The following NCALD variants were observed in gnomAD, a reference collection of about 807,000 sequenced individuals.
The protein encoded by NCALD is neurocalcin-delta.
NCALD carries 10 observed loss-of-function variants against 18.6 expected under a neutral mutation model. That is an observed-to-expected ratio of 0.54 (90% confidence interval 0.33 to 0.91). The LOEUF (loss-of-function observed/expected upper bound fraction) is 0.91. Among genes scored for constraint, NCALD ranks in the 40% least tolerant of loss-of-function variants. The pLI is 0.03. For synonymous variants in NCALD, 88 were observed against 87.4 expected (o/e 1.01, Z -0.04); for missense variants, 184 against 247.6 (o/e 0.74, Z 1.72).
intron 2 of NCALD, among the ~76,000 whole-genome samples, chr8:101,700,427 C>G (rs1269160902): frequency 3.9e-5 from 6 of 152,116 alleles, no homozygotes; most frequent in African/African-American, 1.4e-4. Flanking sequence ...ACAAAAAGCA[C>G]CTTATTTTTC....
At chr8:101,710,555 C>A (rs1487734584) in intron 2 of NCALD, among the ~76,000 whole-genome samples, 1 of 152,204 alleles carries the variant, frequency 6.6e-6, no homozygotes, top group Non-Finnish European at 1.5e-5. Flanking sequence ...TGATGTTGAC[C>A]TGGGATGCTC....
chr8:101,863,103 C>T lies in NCALD; in HGVS notation c.-20+24038G>A, dbSNP rs552397925. Among the ~76,000 whole-genome samples, 4 of 152,304 alleles carry T rather than the reference C, an allele frequency of 2.6e-5. No individual in the cohort carries two copies. The East Asian group carries it at 7.7e-4, about 29-fold the overall frequency. On this transcript the variant is annotated intron_variant, in intron 4 of 6. Coordinates refer to the NCALD transcript ENST00000311028. ...AGCAAGTTGACCCCAGAGCCTGTTTCTCCACACCGTGTGCTCACCTCCTCA... is the reference window on the plus strand; with the variant it reads ...AGCAAGTTGACCCCAGAGCCTGTTTTTCCACACCGTGTGCTCACCTCCTCA...
chr8:101,960,682 T>C (rs150435605), intron 2 of NCALD, among the ~76,000 whole-genome samples: 4 of 152,250 alleles, frequency 2.6e-5, no homozygotes, highest in Non-Finnish European at 5.9e-5. Flanking sequence ...ATAATAACCA[T>C]GAATTGGATC....
At chr8:102,017,619 T>G (rs906206614) in intron 2 of NCALD, among the ~76,000 whole-genome samples, 2 of 152,098 alleles carry the variant, frequency 1.3e-5, no homozygotes, top group Non-Finnish European at 2.9e-5. Context: ...TGCTTGAATC[T>G]GGGAGGCGGA....
intron 4 of NCALD, among the ~76,000 whole-genome samples, chr8:101,872,707 G>T (rs184769489): frequency 6.6e-6 from 1 of 152,122 alleles, no homozygotes; most frequent in African/African-American, 2.4e-5. Context: ...TCTTAATTAA[G>T]TATGAAAAGA....
intron 2 of NCALD, among the ~76,000 whole-genome samples, chr8:101,969,845 C>T (rs1820171067): frequency 6.6e-6 from 1 of 152,202 alleles, no homozygotes; most frequent in Admixed American, 6.5e-5. Flanking sequence ...CAACTTTCAG[C>T]CTTCTGCAGG....
At chr8:101,715,012 A>AG (rs1404221495) in intron 2 of NCALD, among the ~76,000 whole-genome samples, 2 of 151,100 alleles carry the variant, frequency 1.3e-5, no homozygotes, top group East Asian at 3.9e-4. Flanking sequence ...TCAAAAAAAA[A>AG]AAAAGAACAA....
Position 102,077,374 on chromosome 8 carries a change from G to A in NCALD, c.-210+46863C>T, listed in dbSNP as rs139889697. On this transcript the variant is annotated intron_variant, in intron 1 of 6. Coordinates refer to the NCALD transcript ENST00000311028. ...CATGGAAAGAAACCTTTAAAAGCTG[G>A]ACCAAGAAAGGAAAGAAGACAGAAA... Among the ~76,000 whole-genome samples, 270 of 152,248 alleles carry A rather than the reference G, an allele frequency of 1.8e-3. 3 individuals carry two copies. The highest frequency in any genetic ancestry group is 6.2e-3 in the African/African-American group (257 of 41,534).
chr8:101,843,464 AC>A (rs777214235), intron 4 of NCALD, among the ~76,000 whole-genome samples: 1 of 150,118 alleles, frequency 6.7e-6, no homozygotes, highest in Non-Finnish European at 1.5e-5. Flanking sequence ...ACACACACAC[AC>A]AACTAAACTA....
intron 3 of NCALD, chr8:101,691,170 C>G (rs1255785297): frequency 3.0e-6 from 3 of 985,310 alleles, no homozygotes; most frequent in African/African-American, 1.7e-5. Context: ...AGCTGAAGCA[C>G]CCAGTCTCCT....
chr8:101,915,656 G>A (rs936366666), intron 3 of NCALD: 3 of 152,038 alleles, frequency 2.0e-5, no homozygotes, highest in South Asian at 4.2e-4. Context: ...TTTTTTAAAT[G>A]GGCTTTAGTA....
At chr8:101,701,912 A>G (rs1815286563) in intron 2 of NCALD, among the ~76,000 whole-genome samples, 1 of 152,218 alleles carries the variant, frequency 6.6e-6, no homozygotes, top group African/African-American at 2.4e-5. Flanking sequence ...TTTTCAGGAA[A>G]TACTTTTAAA....
intron 2 of NCALD, among the ~76,000 whole-genome samples, chr8:101,715,760 A>T (rs1473673691): frequency 6.6e-6 from 1 of 152,260 alleles, no homozygotes; most frequent in African/African-American, 2.4e-5. Context: ...AAGCAAAACC[A>T]CAATGAGATA....
At chr8:101,945,750 C>T (rs1399481441) in intron 2 of NCALD, among the ~76,000 whole-genome samples, 1 of 152,206 alleles carries the variant, frequency 6.6e-6, no homozygotes, top group Non-Finnish European at 1.5e-5. Flanking sequence ...TTAGTCCAGA[C>T]ATTGTCCTCA....
intron 2 of NCALD, among the ~76,000 whole-genome samples, chr8:101,977,560 G>A (rs1563501314): frequency 6.6e-6 from 1 of 152,158 alleles, no homozygotes. Context: ...ATGGGGCTTG[G>A]CCCCTTAGAC....
intron 1 of NCALD, among the ~76,000 whole-genome samples, chr8:101,738,104 C>T (rs1029115884): frequency 2.0e-5 from 3 of 152,118 alleles, no homozygotes; most frequent in Non-Finnish European, 4.4e-5. Flanking sequence ...GAAACTGAGA[C>T]TTTCTTTATA....
intron 1 of NCALD, among the ~76,000 whole-genome samples, chr8:102,074,988 C>T (rs1041054979): frequency 2.0e-5 from 3 of 152,130 alleles, no homozygotes; most frequent in African/African-American, 7.2e-5. Flanking sequence ...TGCTACACCT[C>T]CATGCATCAC....
chr8:101,918,478 C>A (rs1367402077), intron 2 of NCALD, among the ~76,000 whole-genome samples: 1 of 151,970 alleles, frequency 6.6e-6, no homozygotes, highest in African/African-American at 2.4e-5. Flanking sequence ...TACTGGAAGT[C>A]CTAGCCAGAG....
At chr8:101,731,135 A>G (rs1166477111) in intron 1 of NCALD, among the ~76,000 whole-genome samples, 1 of 152,054 alleles carries the variant, frequency 6.6e-6, no homozygotes, top group African/African-American at 2.4e-5. Flanking sequence ...CAGGAGTGAA[A>G]ACAGTGAACG....
Sources: gnomAD v4.1 joint callset for allele counts (sites outside exome capture counted in the v4.1 genomes callset) on GRCh38, gnomAD v4.1.1 for gene constraint, MANE v1.5 for transcripts, NCBI Gene and HGNC (gene_info 2026-07-23, HGNC 2026-07-21) for gene names.